Variants in SRGAP3 observed in about 807,000 individuals in gnomAD.
The protein encoded by SRGAP3 is SLIT-ROBO Rho GTPase-activating protein 3.
SRGAP3 carries 39 observed loss-of-function variants against 121.1 expected under a neutral mutation model. The observed-to-expected ratio is 0.32, with a 90% CI of 0.25 to 0.42. The LOEUF (loss-of-function observed/expected upper bound fraction) is 0.42, where lower values mean the gene tolerates loss of function less well. Ranked by LOEUF, SRGAP3 falls within the 10% of genes least tolerant of loss-of-function variation. The probability of loss-of-function intolerance (pLI) is 1.00; values close to 1 mark genes in which losing one functional copy is unlikely to be tolerated. For synonymous variants in SRGAP3, 601 were observed against 570.0 expected (o/e 1.05, Z -0.77); for missense variants, 1,213 against 1,470.6 (o/e 0.82, Z 2.86).
Position 9,046,688 on chromosome 3 carries a change from T to C in SRGAP3, c.1408+703A>G, listed in dbSNP as rs946129235. 3.9e-5 allele frequency among the ~76,000 whole-genome samples: 6 copies of C among 152,238 alleles called. No individual in the cohort carries two copies. The East Asian group carries it at 5.8e-4, about 15-fold the overall frequency. ...ACACTCCAGTAGTATTCCTTGCAAATAGTGTCTGCTGAAAAATGTCAGTGC... is the reference window on the plus strand; with the variant it reads ...ACACTCCAGTAGTATTCCTTGCAAACAGTGTCTGCTGAAAAATGTCAGTGC... On this transcript the variant is annotated intron_variant, in intron 10 of 21. Coordinates refer to ENST00000383836, the MANE Select transcript of SRGAP3 (RefSeq NM_014850.4).
chr3:9,308,082 G>A (rs1218622326), intron 3 of SRGAP3, among the ~76,000 whole-genome samples: 1 of 152,222 alleles, frequency 6.6e-6, no homozygotes, highest in Non-Finnish European at 1.5e-5. Context: ...TTGAACCCGG[G>A]AGGCATAAGT....
At chr3:9,275,314 T>C (rs951370977) in intron 3 of SRGAP3, among the ~76,000 whole-genome samples, 4 of 152,138 alleles carry the variant, frequency 2.6e-5, no homozygotes, top group Non-Finnish European at 5.9e-5. Flanking sequence ...TGTTCTACTG[T>C]CTCAAAACTA....
At chr3:9,146,748 A>G (rs1950036607) in intron 1 of SRGAP3, among the ~76,000 whole-genome samples, 1 of 152,208 alleles carries the variant, frequency 6.6e-6, no homozygotes, top group South Asian at 2.1e-4. Context: ...CACCAGGACC[A>G]GGTGCTAGAA....
rs781060529 is a variant in SRGAP3 at position 9,013,370 on chromosome 3, G to A, written c.2085C>T (p.Pro695=). ...TIIIHHEAIF[P]SPRELEGPVY... is the part of the protein sequence containing the mutation. ...CAGGTCCCTCTAGCTCCCGGGGGCT[G>A]GGGAAGATGGCTTCATGATGGATGA... Residue 695 remains proline (P), a synonymous_variant, in exon 17 of 22, where the codon CCC becomes CCT. Transcript: ENST00000383836. The A allele has an allele frequency of 1.3e-5, 21 of 1,614,014 alleles. 1 individual carries two copies. In the Admixed American group the frequency reaches 3.3e-4, roughly 26 times the overall value.
chr3:9,264,677 C>T (rs1030950128), intron 3 of SRGAP3, among the ~76,000 whole-genome samples: 10 of 152,088 alleles, frequency 6.6e-5, no homozygotes, highest in African/African-American at 2.4e-4. Context: ...GTGTGAAAGA[C>T]CTCTTCAAGG....
chr3:9,079,381 C>A lies in SRGAP3; in HGVS notation c.486+644G>T, dbSNP rs752063054. ...AAGCACAGTCTGAAAGTTCCTGCAT[C>A]ATCACCTCATGTGTTTGTGTCCCCA... On this transcript the variant is annotated intron_variant, in intron 4 of 21. Coordinates refer to ENST00000383836, the MANE Select transcript of SRGAP3 (RefSeq NM_014850.4). Among the ~76,000 whole-genome samples, 6 of 152,330 alleles carry A rather than the reference C, an allele frequency of 3.9e-5. No homozygotes were observed. In the South Asian group the frequency reaches 8.3e-4, roughly 21 times the overall value.
At chr3:9,111,016 G>T (rs1489372450) in intron 2 of SRGAP3, among the ~76,000 whole-genome samples, 2 of 152,216 alleles carry the variant, frequency 1.3e-5, no homozygotes, top group African/African-American at 2.4e-5. Flanking sequence ...AGTCACTCTG[G>T]GCTTAAATGC....
At chr3:9,136,286 G>A (rs1455854013) in intron 1 of SRGAP3, among the ~76,000 whole-genome samples, 1 of 152,072 alleles carries the variant, frequency 6.6e-6, no homozygotes, top group Non-Finnish European at 1.5e-5. Flanking sequence ...CTTCCGGGAC[G>A]GCCCCGAGGG....
chr3:9,030,583 G>A (rs1944436746), intron 12 of SRGAP3, among the ~76,000 whole-genome samples: 1 of 152,210 alleles, frequency 6.6e-6, no homozygotes, highest in Non-Finnish European at 1.5e-5. Flanking sequence ...CTGTCTCAAA[G>A]GGGCAAACAC....
intron 1 of SRGAP3, among the ~76,000 whole-genome samples, chr3:9,354,978 T>C (rs1003106572): frequency 2.6e-5 from 4 of 152,222 alleles, no homozygotes; most frequent in African/African-American, 9.6e-5. Flanking sequence ...CATCTGGTTC[T>C]TTCTGATATA....
chr3:9,171,387 T>A (rs1416624457), intron 1 of SRGAP3, among the ~76,000 whole-genome samples: 1 of 152,210 alleles, frequency 6.6e-6, no homozygotes, highest in East Asian at 1.9e-4. Context: ...TCTGTGCGCC[T>A]CAGTTCTCTC....
intron 1 of SRGAP3, among the ~76,000 whole-genome samples, chr3:9,216,033 C>T (rs1952606119): frequency 1.3e-5 from 2 of 152,158 alleles, no homozygotes; most frequent in South Asian, 2.1e-4. Flanking sequence ...CACACATACA[C>T]ATACACACAT....
chr3:9,338,983 GA>G (rs1955736601), intron 1 of SRGAP3, among the ~76,000 whole-genome samples: 1 of 152,160 alleles, frequency 6.6e-6, no homozygotes, highest in African/African-American at 2.4e-5. Flanking sequence ...TAGTACTTAC[GA>G]AAATATGTTT....
chr3:9,201,194 C>T (rs1227565128), intron 1 of SRGAP3, among the ~76,000 whole-genome samples: 1 of 152,188 alleles, frequency 6.6e-6, no homozygotes, highest in Admixed American at 6.5e-5. Flanking sequence ...CGGAAGCCAA[C>T]CATGCCCCAC....
At chr3:9,049,667 A>T (rs1945466140) in intron 9 of SRGAP3, among the ~76,000 whole-genome samples, 1 of 152,192 alleles carries the variant, frequency 6.6e-6, no homozygotes, top group South Asian at 2.1e-4. Context: ...CCTGTTCTAG[A>T]ATAACTCGAG....
At chr3:9,265,376 G>A (rs1031436875) in intron 3 of SRGAP3, among the ~76,000 whole-genome samples, 1 of 152,026 alleles carries the variant, frequency 6.6e-6, no homozygotes, top group Non-Finnish European at 1.5e-5. Context: ...TGACAAATGG[G>A]GTCTAATTAA....
intron 1 of SRGAP3, chr3:9,348,714 C>T: frequency 8.1e-7 from 1 of 1,230,898 alleles, no homozygotes; most frequent in South Asian, 1.2e-5. Flanking sequence ...GAGCAGCACT[C>T]TGGGGGTCTG....
intron 3 of SRGAP3, among the ~76,000 whole-genome samples, chr3:9,276,200 G>A (rs1235976497): frequency 6.6e-6 from 1 of 152,150 alleles, no homozygotes; most frequent in Non-Finnish European, 1.5e-5. Flanking sequence ...CTTCTGCAGA[G>A]CCCAGGTCAG....
At chr3:9,359,356 T>TA (rs1306754628) in intron 1 of SRGAP3, among the ~76,000 whole-genome samples, 1 of 152,196 alleles carries the variant, frequency 6.6e-6, no homozygotes, top group Non-Finnish European at 1.5e-5. Flanking sequence ...TAAGAGTTTT[T>TA]AACTCAAAAT....
Sources: allele counts gnomAD v4.1 joint callset (sites outside exome capture counted in the v4.1 genomes callset), GRCh38; gene constraint gnomAD v4.1.1; transcripts MANE v1.5; gene names NCBI Gene and HGNC (gene_info 2026-07-23, HGNC 2026-07-21).